KIAA0586: variants seen among roughly 807,000 people sequenced by gnomAD.
The protein encoded by KIAA0586 is KIAA0586.
KIAA0586 carries 144 observed loss-of-function variants against 169.8 expected under a neutral mutation model. That is an observed-to-expected ratio of 0.85 (90% CI 0.74 to 0.97). The LOEUF is 0.97. KIAA0586 is among the 50% of genes least tolerant of loss of function. The pLI, the probability that KIAA0586 is intolerant of heterozygous loss-of-function variation, is 0.00. For missense variants in KIAA0586, 1,854 were observed against 1,823.0 expected (o/e 1.02, Z -0.31); for synonymous variants, 625 against 612.4 (o/e 1.02, Z -0.30).
At chr14:58,520,674 C>A (rs988497868) in intron 29 of KIAA0586, among the ~76,000 whole-genome samples, 1 of 152,052 alleles carries the variant, frequency 6.6e-6, no homozygotes, top group African/African-American at 2.4e-5. Context: ...AGGCGTGTGC[C>A]ACCATGCCCG....
At chr14:58,459,790 A>G (rs2040178299) in intron 12 of KIAA0586, 53 bp from the exon 13 acceptor site, 1 of 993,364 alleles carries the variant, frequency 1.0e-6, no homozygotes, top group Non-Finnish European at 1.4e-6. Context: ...TCTGATGTGA[A>G]AGCATTACTA....
intron 21 of KIAA0586, among the ~76,000 whole-genome samples, chr14:58,486,192 A>G (rs1020023174): frequency 6.6e-6 from 1 of 152,180 alleles, no homozygotes; most frequent in Admixed American, 6.5e-5. Context: ...TATAAATGAG[A>G]ACATGTGGTA....
chr14:58,489,223 ATTTT>A (rs5808974), intron 24 of KIAA0586, among the ~76,000 whole-genome samples: 1 of 135,652 alleles, frequency 7.4e-6, no homozygotes, highest in Non-Finnish European at 1.5e-5. Context: ...TGAAACCTGA[ATTTT>A]TTTTTTTTTT....
chr14:58,542,058 A>G (rs1324715805), intron 30 of KIAA0586, among the ~76,000 whole-genome samples: 2 of 152,200 alleles, frequency 1.3e-5, no homozygotes, highest in African/African-American at 2.4e-5. Context: ...TAATTTTTTT[A>G]TGAATGTTAC....
chr14:58,507,580 A>G lies in KIAA0586; in HGVS notation c.4169-975A>G, dbSNP rs529675436. Among the ~76,000 whole-genome samples, 6 of 151,874 alleles carry G rather than the reference A, an allele frequency of 4.0e-5. No homozygotes were observed. The South Asian group carries it at 1.2e-3, about 31-fold the overall frequency. ...TTAGTTAACTTCTCTGAACCTTAGT[A>G]ATGTCAGTGAGAGACAGTTACAATG... On this transcript the variant is annotated intron_variant, in intron 27 of 30. Coordinates refer to ENST00000652326, the MANE Select transcript of KIAA0586 (RefSeq NM_001329943.3).
At chr14:58,454,833 C>T (rs1011582502) in intron 9 of KIAA0586, among the ~76,000 whole-genome samples, 1 of 152,156 alleles carries the variant, frequency 6.6e-6, no homozygotes, top group Non-Finnish European at 1.5e-5. Context: ...CTGGTGTCCC[C>T]TCCTTCACTT....
intron 4 of KIAA0586, chr14:58,442,080 CT>C: frequency 6.6e-6 from 1 of 152,008 alleles, no homozygotes; most frequent in Non-Finnish European, 1.5e-5. Context: ...ATTCTTGGAG[CT>C]TTTTCTGAGT....
At chr14:58,482,340 C>T (rs1287858127) in intron 20 of KIAA0586, among the ~76,000 whole-genome samples, 173 bp from the exon 21 acceptor site, 5 of 151,886 alleles carry the variant, frequency 3.3e-5, no homozygotes, top group Non-Finnish European at 7.4e-5. Flanking sequence ...GCAGGAGAAT[C>T]GCTTGAATCT....
chr14:58,468,094 G>A (rs2040914454), intron 16 of KIAA0586, among the ~76,000 whole-genome samples, 172 bp downstream of exon 16: 1 of 152,036 alleles, frequency 6.6e-6, no homozygotes. Context: ...CGCCCAGTCT[G>A]GAGGGCAATG....
At position 58,482,714 on chromosome 14, in the gene KIAA0586, T is replaced by A. The variant is rs1424747601; in HGVS notation, c.3144+2T>A. The A allele has an allele frequency of 1.4e-5, 21 of 1,544,234 alleles. No homozygotes were observed. The highest frequency in any genetic ancestry group is 1.7e-5 in the Non-Finnish European group (20 of 1,144,452). ...TCAACAAATGAAACATATTTGCCGGTATGGGGAATTTTTGAGACATTTATT... is the reference window on the plus strand; with the variant it reads ...TCAACAAATGAAACATATTTGCCGGAATGGGGAATTTTTGAGACATTTATT... On this transcript the variant is annotated splice_donor_variant, in intron 21 of 30. Transcript: ENST00000652326. LOFTEE classifies it high-confidence loss of function.
chr14:58,455,512 T>G (rs1014603924), intron 9 of KIAA0586, among the ~76,000 whole-genome samples: 6 of 152,228 alleles, frequency 3.9e-5, no homozygotes, highest in African/African-American at 1.4e-4. Context: ...TGTTGCTGTT[T>G]GTTTAGTGAC....
In KIAA0586 at chr14:58,498,507, TC is replaced by T. The variant is rs539214782; in HGVS notation, c.3991-275del. 7.2e-5 allele frequency among the ~76,000 whole-genome samples: 11 copies of T among 152,304 alleles called. No individual in the cohort carries two copies. The South Asian group carries it at 2.1e-3, about 29-fold the overall frequency. On this transcript the variant is annotated intron_variant, in intron 26 of 30. Coordinates refer to ENST00000652326, the MANE Select transcript of KIAA0586 (RefSeq NM_001329943.3). ...GTGTTTTAAATTGTAATATAATTTTTCTTATGTATTTTATTGCTATTTAATT... is the reference window on the plus strand; with the variant it reads ...GTGTTTTAAATTGTAATATAATTTTTTTATGTATTTTATTGCTATTTAATT...
intron 24 of KIAA0586, 84 bp downstream of exon 24, chr14:58,488,958 C>T (rs1189259819): frequency 5.8e-5 from 82 of 1,402,108 alleles, no homozygotes; most frequent in Non-Finnish European, 7.1e-5. Flanking sequence ...AGTGTTTTTA[C>T]TTAACTTTCA....
chr14:58,498,186 G>A (rs1027401434), intron 26 of KIAA0586, among the ~76,000 whole-genome samples: 5 of 149,276 alleles, frequency 3.3e-5, no homozygotes, highest in Non-Finnish European at 7.4e-5. Context: ...GATTTTTTGT[G>A]TTTTTTTTGA....
At chr14:58,539,424 T>C (rs1566959236) in intron 29 of KIAA0586, among the ~76,000 whole-genome samples, 1 of 152,240 alleles carries the variant, frequency 6.6e-6, no homozygotes, top group African/African-American at 2.4e-5. Context: ...ACAGCACAGA[T>C]TAACAGCATC....
chr14:58,442,967 A>G, intron 5 of KIAA0586, 87 bp downstream of exon 5: 1 of 951,546 alleles, frequency 1.1e-6, no homozygotes, highest in Non-Finnish European at 1.6e-6. Flanking sequence ...GGTTGTGTCC[A>G]GTTATAGACT....
At chr14:58,439,419 C>G (rs1049247964) in intron 4 of KIAA0586, among the ~76,000 whole-genome samples, 1 of 152,070 alleles carries the variant, frequency 6.6e-6, no homozygotes, top group Non-Finnish European at 1.5e-5. Flanking sequence ...GATCTCCTGA[C>G]CTCGTGATCC....
chr14:58,512,071 A>T (rs540200218), intron 28 of KIAA0586, among the ~76,000 whole-genome samples: 5 of 152,330 alleles, frequency 3.3e-5, no homozygotes, highest in African/African-American at 1.2e-4. Flanking sequence ...ACTTCTGAGA[A>T]TTAAATGATG....
intron 4 of KIAA0586, among the ~76,000 whole-genome samples, chr14:58,434,264 C>G (rs898417431): frequency 6.6e-6 from 1 of 152,040 alleles, no homozygotes; most frequent in Admixed American, 6.6e-5. Context: ...ATTAAGAATA[C>G]TGTGTACATG....
Sources: allele counts gnomAD v4.1 joint callset (sites outside exome capture counted in the v4.1 genomes callset), GRCh38; gene constraint gnomAD v4.1.1; transcripts MANE v1.5; gene names NCBI Gene and HGNC (gene_info 2026-07-23, HGNC 2026-07-21).